SLC9C2: variants seen among roughly 807,000 people sequenced by gnomAD.
The protein encoded by SLC9C2 is sodium/hydrogen exchanger 11.
Under a neutral mutation model 140.2 loss-of-function variants are expected in SLC9C2, and 75 were observed. The ratio of observed to expected loss-of-function variants is 0.53; its 90% confidence interval spans 0.44 to 0.65. The LOEUF (loss-of-function observed/expected upper bound fraction) is 0.65. Among genes scored for constraint, SLC9C2 ranks in the 30% least tolerant of loss-of-function variants. SLC9C2 has a pLI of 0.00. For synonymous variants in SLC9C2, 375 were observed against 420.9 expected (o/e 0.89, Z 1.34); for missense variants, 1,074 against 1,331.8 (o/e 0.81, Z 3.01).
chr1:173,575,587 T>C (rs1665122419), intron 8 of SLC9C2, among the ~76,000 whole-genome samples: 1 of 152,150 alleles, frequency 6.6e-6, no homozygotes, highest in Non-Finnish European at 1.5e-5. Flanking sequence ...TGTTTGTTTT[T>C]GTTTTTTGAG....
intron 8 of SLC9C2, among the ~76,000 whole-genome samples, chr1:173,574,177 A>T (rs867343273): frequency 6.6e-6 from 1 of 151,722 alleles, no homozygotes. Context: ...CCTCCTCTAG[A>T]CTCTCTCTCT....
intron 11 of SLC9C2, among the ~76,000 whole-genome samples, chr1:173,552,772 G>C (rs567724243): frequency 1.1e-3 from 173 of 152,318 alleles, no homozygotes; most frequent in Non-Finnish European, 1.7e-3. Context: ...TGGACAAGGA[G>C]TTGAATGTTG....
chr1:173,541,261 G>A (rs1303627679), intron 13 of SLC9C2, among the ~76,000 whole-genome samples: 4 of 151,954 alleles, frequency 2.6e-5, no homozygotes, highest in African/African-American at 7.2e-5. Context: ...AGAGACAAAG[G>A]CGGCCATTAC....
intron 1 of SLC9C2, 78 bp from the exon 2 acceptor site, chr1:173,601,933 C>T: frequency 1.1e-6 from 1 of 873,610 alleles, no homozygotes; most frequent in Non-Finnish European, 1.8e-6. Context: ...GATTGTGCCA[C>T]ACTCAGATCT....
chr1:173,502,921 C>A (rs986419581), intron 27 of SLC9C2, among the ~76,000 whole-genome samples: 2 of 152,134 alleles, frequency 1.3e-5, no homozygotes, highest in Non-Finnish European at 2.9e-5. Flanking sequence ...GGAATCCACA[C>A]TCCAGAGGCA....
intron 10 of SLC9C2, among the ~76,000 whole-genome samples, chr1:173,555,801 A>G (rs2102094475): frequency 6.6e-6 from 1 of 152,360 alleles, no homozygotes; most frequent in Non-Finnish European, 1.5e-5. Flanking sequence ...GGTGAGGAAT[A>G]GGAATATGAT....
intron 10 of SLC9C2, among the ~76,000 whole-genome samples, chr1:173,555,719 C>T (rs1430075765): frequency 6.6e-6 from 1 of 152,186 alleles, no homozygotes; most frequent in Non-Finnish European, 1.5e-5. Context: ...CTTTGCAAAA[C>T]CACTGGTTAT....
chr1:173,533,519 C>A (rs1661733059), intron 17 of SLC9C2, 90 bp downstream of exon 17: 2 of 925,528 alleles, frequency 2.2e-6, no homozygotes, highest in Non-Finnish European at 1.6e-6. Flanking sequence ...CTCAAGCAAT[C>A]CACCCACCTA....
intron 13 of SLC9C2, among the ~76,000 whole-genome samples, chr1:173,545,899 T>A (rs1662811042): frequency 6.6e-6 from 1 of 152,180 alleles, no homozygotes; most frequent in African/African-American, 2.4e-5. Context: ...TCAGTTTTCC[T>A]CTAGGTGGCT....
chr1:173,577,330 T>C (rs766451137), intron 7 of SLC9C2, among the ~76,000 whole-genome samples: 7 of 152,328 alleles, frequency 4.6e-5, no homozygotes, highest in Admixed American at 2.6e-4. Flanking sequence ...TCAGTGCTTC[T>C]GATGACTCCA....
At chr1:173,537,419 G>A (rs150675923) in intron 13 of SLC9C2, among the ~76,000 whole-genome samples, 58 of 151,978 alleles carry the variant, frequency 3.8e-4, no homozygotes, top group African/African-American at 1.1e-3. Flanking sequence ...AAAATTAGCC[G>A]GGCATGATGG....
At chr1:173,515,280 C>T (rs1660337677) in intron 23 of SLC9C2, among the ~76,000 whole-genome samples, 1 of 152,148 alleles carries the variant, frequency 6.6e-6, no homozygotes, top group Non-Finnish European at 1.5e-5. Flanking sequence ...TTCTCCCTGC[C>T]TCTTTAGGTA....
intron 7 of SLC9C2, 106 bp downstream of exon 7, chr1:173,581,741 G>C: frequency 1.1e-6 from 1 of 870,378 alleles, no homozygotes; most frequent in Non-Finnish European, 1.7e-6. Flanking sequence ...ACACACAGTG[G>C]GGCCACAAAA....
chr1:173,557,231 TA>T, intron 10 of SLC9C2, 108 bp downstream of exon 10: 5 of 1,076,540 alleles, frequency 4.6e-6, no homozygotes, highest in Non-Finnish European at 6.8e-6. Flanking sequence ...GAATGCATTT[TA>T]AAAATCTAAT....
chr1:173,526,797 T>C, intron 18 of SLC9C2, 83 bp from the exon 19 acceptor site: 1 of 959,582 alleles, frequency 1.0e-6, no homozygotes, highest in East Asian at 2.6e-5. Flanking sequence ...CATTTCTTCT[T>C]ATATTCCTGA....
At chr1:173,555,276 A>G in intron 10 of SLC9C2, 1 of 155,954 alleles carries the variant, frequency 6.4e-6, no homozygotes, top group Non-Finnish European at 1.4e-5. Flanking sequence ...AGAAGGCAGG[A>G]GCTGTGGTGG....
intron 4 of SLC9C2, among the ~76,000 whole-genome samples, chr1:173,588,076 T>A (rs990893406): frequency 3.9e-5 from 6 of 152,236 alleles, no homozygotes; most frequent in African/African-American, 1.4e-4. Context: ...TCTAGTTCAA[T>A]GGTTCTCAAT....
At chr1:173,532,999 G>A (rs1000061607) in intron 17 of SLC9C2, among the ~76,000 whole-genome samples, 1 of 152,312 alleles carries the variant, frequency 6.6e-6, no homozygotes, top group East Asian at 1.9e-4. Context: ...TGAGCAGGTA[G>A]AGGGTAATCA....
chr1:173,548,371 T>C lies in SLC9C2; in HGVS notation c.1461+18A>G. ...AGGGAAGGAAAGGAAAACTACTTTT[T>C]GCCAGGTATCAACTCACAGGAATGT... On this transcript the variant is annotated intron_variant, in intron 12 of 27. Coordinates refer to ENST00000367714, the MANE Select transcript of SLC9C2 (RefSeq NM_178527.4). 6.2e-7 allele frequency: 1 copy of C among 1,602,452 alleles called. No homozygotes were observed. The highest frequency in any genetic ancestry group is 1.7e-5 in the Admixed American group (1 of 58,400).
Sources: gnomAD v4.1 joint callset for allele counts (sites outside exome capture counted in the v4.1 genomes callset) on GRCh38, gnomAD v4.1.1 for gene constraint, MANE v1.5 for transcripts, NCBI Gene and HGNC (gene_info 2026-07-23, HGNC 2026-07-21) for gene names.